Variants in ZSWIM5 observed in about 807,000 individuals in gnomAD.
ZSWIM5 encodes zinc finger SWIM-type containing 5, also known as zinc finger SWIM domain-containing protein 5.
A neutral mutation model predicts 119.6 loss-of-function variants in ZSWIM5; 55 were observed. That is an observed-to-expected ratio of 0.46 (90% CI 0.37 to 0.58). The LOEUF (loss-of-function observed/expected upper bound fraction) is 0.58, where lower values mean the gene tolerates loss of function less well. Among genes scored for constraint, ZSWIM5 ranks in the 20% least tolerant of loss-of-function variants. The probability of loss-of-function intolerance (pLI) is 0.00; values close to 1 mark genes in which losing one functional copy is unlikely to be tolerated. For missense variants in ZSWIM5, 1,193 were observed against 1,512.8 expected (o/e 0.79, Z 3.51); for synonymous variants, 537 against 606.9 (o/e 0.88, Z 1.69).
At chr1:45,193,970 A>G (rs1646107869) in intron 1 of ZSWIM5, among the ~76,000 whole-genome samples, 1 of 151,970 alleles carries the variant, frequency 6.6e-6, no homozygotes, top group Non-Finnish European at 1.5e-5. Context: ...ACATGCACAT[A>G]TGGTAGATAA....
intron 4 of ZSWIM5, among the ~76,000 whole-genome samples, chr1:45,052,381 G>A (rs112261467): frequency 0.019 from 2,826 of 152,250 alleles, 92 homozygotes; most frequent in African/African-American, 0.065. Context: ...ATGGATAGAA[G>A]TACATTTGGA....
chr1:45,063,764 G>T (rs924687617), intron 2 of ZSWIM5, among the ~76,000 whole-genome samples: 2 of 151,994 alleles, frequency 1.3e-5, no homozygotes, highest in African/African-American at 4.8e-5. Flanking sequence ...AGGCTGAGGC[G>T]GGCGGATCAT....
intron 1 of ZSWIM5, among the ~76,000 whole-genome samples, chr1:45,127,754 G>A (rs1031887450): frequency 6.6e-6 from 1 of 152,104 alleles, no homozygotes; most frequent in Non-Finnish European, 1.5e-5. Flanking sequence ...CAAAGCAGTG[G>A]TGAATCAGTG....
chr1:45,148,772 T>G (rs550644147), intron 1 of ZSWIM5, among the ~76,000 whole-genome samples: 115 of 152,376 alleles, frequency 7.5e-4, no homozygotes, highest in African/African-American at 2.7e-3. Flanking sequence ...TACACAGTGA[T>G]AGCCTCCCTC....
At chr1:45,062,836 T>G (rs1162556686) in intron 2 of ZSWIM5, among the ~76,000 whole-genome samples, 1 of 152,138 alleles carries the variant, frequency 6.6e-6, no homozygotes, top group Non-Finnish European at 1.5e-5. Flanking sequence ...AACTCTTATT[T>G]TAGATTCAGG....
intron 1 of ZSWIM5, among the ~76,000 whole-genome samples, chr1:45,153,367 G>A (rs890306164): frequency 6.6e-5 from 10 of 151,818 alleles, no homozygotes; most frequent in African/African-American, 2.4e-4. Context: ...TTAGCCAGAT[G>A]TGGTGGTGTG....
chr1:45,025,736 A>G (rs927714165), intron 11 of ZSWIM5, among the ~76,000 whole-genome samples: 1 of 152,174 alleles, frequency 6.6e-6, no homozygotes, highest in Non-Finnish European at 1.5e-5. Context: ...GGATTCATAC[A>G]TAGTCAATCA....
intron 1 of ZSWIM5, among the ~76,000 whole-genome samples, chr1:45,132,275 T>C (rs1645662020): frequency 6.6e-6 from 1 of 152,078 alleles, no homozygotes. Flanking sequence ...CTCAAAGAGA[T>C]GTCATTTATA....
Position 45,031,102 on chromosome 1 carries a change from T to C in ZSWIM5, c.2449+3210A>G, listed in dbSNP as rs369157559. 3.4e-4 allele frequency among the ~76,000 whole-genome samples: 51 copies of C among 152,006 alleles called. 1 individual carries two copies. Among genetic ancestry groups the C allele is most frequent in the African/African-American group, 1.2e-3 (50 of 41,508 alleles). ...CGTGAGCCACCGTGCCCAGCCTTAA[T>C]TGATCTTTTCAAAGAATCAGCTTTT... is the stretch of plus-strand genomic sequence containing the variant. On this transcript the variant is annotated intron_variant, in intron 11 of 13. Coordinates refer to ENST00000359600, the MANE Select transcript of ZSWIM5 (RefSeq NM_020883.2).
chr1:45,054,725 T>C (rs1645110892), intron 4 of ZSWIM5, among the ~76,000 whole-genome samples: 1 of 152,230 alleles, frequency 6.6e-6, no homozygotes, highest in Non-Finnish European at 1.5e-5. Context: ...CAGCTAGGAA[T>C]TAAGGTGTTA....
chr1:45,172,918 C>A (rs753930041), intron 1 of ZSWIM5, among the ~76,000 whole-genome samples: 1 of 152,102 alleles, frequency 6.6e-6, no homozygotes, highest in Non-Finnish European at 1.5e-5. Context: ...AATCCCAATG[C>A]TTTCGGAAGC....
In ZSWIM5 at chr1:45,058,628, C is replaced by A. The variant is rs368429194; in HGVS notation, c.1233G>T (p.Arg411Ser). 5 of 1,614,224 alleles carry A rather than the reference C, an allele frequency of 3.1e-6. No individual in the cohort carries two copies. The South Asian group carries it at 5.5e-5, about 18-fold the overall frequency. The change falls in exon 4 of 14, where the codon AGG becomes AGT. Residue 411 changes from arginine (R) to serine (S), a missense_variant. By Grantham distance (110) the Arg-to-Ser change is moderately radical (BLOSUM62 -1). Transcript: ENST00000359600. Reference sequence around the variant, plus strand: ...ACTTACCTAGCTCATCCCAGAGCTGCCTGCACTTGTCTGTCATGTTTGTTC... The same window carrying A: ...ACTTACCTAGCTCATCCCAGAGCTGACTGCACTTGTCTGTCATGTTTGTTC... ...QQGTNMTDKC[R>S]QLWDELGALW...
intron 2 of ZSWIM5, among the ~76,000 whole-genome samples, chr1:45,080,661 T>C (rs184242814): frequency 6.6e-6 from 1 of 152,302 alleles, no homozygotes; most frequent in East Asian, 1.9e-4. Context: ...CTTAGATTGG[T>C]GTCCTCATGT....
chr1:45,021,829 G>A (rs1644889322), intron 11 of ZSWIM5, among the ~76,000 whole-genome samples: 1 of 151,978 alleles, frequency 6.6e-6, no homozygotes, highest in Non-Finnish European at 1.5e-5. Context: ...AGACCAGCCT[G>A]GCCAACATGG....
intron 1 of ZSWIM5, among the ~76,000 whole-genome samples, chr1:45,090,462 T>C (rs946839749): frequency 6.6e-6 from 1 of 151,970 alleles, no homozygotes; most frequent in African/African-American, 2.4e-5. Flanking sequence ...ACTTAAGAAC[T>C]AAGAAAGCTG....
intron 1 of ZSWIM5, among the ~76,000 whole-genome samples, chr1:45,191,042 G>A (rs1646089301): frequency 7.2e-6 from 1 of 138,802 alleles, no homozygotes; most frequent in African/African-American, 2.7e-5. Flanking sequence ...CGCCTCCCAG[G>A]TTCACGCCAT....
intron 5 of ZSWIM5, among the ~76,000 whole-genome samples, chr1:45,044,324 G>A (rs771937160): frequency 2.1e-4 from 32 of 151,984 alleles, no homozygotes; most frequent in Admixed American, 9.2e-4. Flanking sequence ...GTGATGACTC[G>A]CACCTGTTAT....
Position 45,031,321 on chromosome 1 carries a change from C to T in ZSWIM5, c.2449+2991G>A, listed in dbSNP as rs542244933. Among the ~76,000 whole-genome samples, 328 of 151,144 alleles carry T rather than the reference C, an allele frequency of 2.2e-3. 3 individuals carry two copies. Among genetic ancestry groups the T allele is most frequent in the African/African-American group, 7.6e-3 (314 of 41,186 alleles). On this transcript the variant is annotated intron_variant, in intron 11 of 13. Coordinates refer to ENST00000359600, the MANE Select transcript of ZSWIM5 (RefSeq NM_020883.2). ...CCTCCCGAGTAGCTGGGATTATAGG[C>T]GCATGCCACCATGCTCACGCAATTT...
intron 1 of ZSWIM5, among the ~76,000 whole-genome samples, chr1:45,121,013 G>A (rs1645588183): frequency 1.3e-5 from 2 of 151,576 alleles, no homozygotes; most frequent in African/African-American, 2.4e-5. Context: ...GTGGTGGCGC[G>A]ATCTCGGCTC....
Sources: allele counts gnomAD v4.1 joint callset (sites outside exome capture counted in the v4.1 genomes callset), GRCh38; gene constraint gnomAD v4.1.1; transcripts MANE v1.5; gene names NCBI Gene and HGNC (gene_info 2026-07-23, HGNC 2026-07-21).